The following KDM5D variants were observed in gnomAD, a reference collection of about 807,000 sequenced individuals.
KDM5D encodes lysine demethylase 5D.
KDM5D carries 25 observed loss-of-function variants against 31.9 expected under a neutral mutation model. The observed-to-expected ratio is 0.78, with a 90% confidence interval of 0.57 to 1.09. The LOEUF (loss-of-function observed/expected upper bound fraction) is 1.09, where lower values mean the gene tolerates loss of function less well. KDM5D is among the 50% of genes least tolerant of loss of function. KDM5D has a pLI of 0.00. For synonymous variants in KDM5D, 146 were observed against 122.3 expected (o/e 1.19, Z -1.28); for missense variants, 366 against 341.6 (o/e 1.07, Z -0.56).
chrY:19,735,055 T>C (rs2045497698), intron 8 of KDM5D, among the ~76,000 whole-genome samples: 1 of 33,099 alleles, frequency 3.0e-5, no homozygotes, highest in African/African-American at 1.2e-4. Flanking sequence ...ATAATTTATA[T>C]TGGATCACAT....
chrY:19,732,080 G>T lies in KDM5D; in HGVS notation c.1178C>A (p.Ser393Tyr). 2.5e-6 allele frequency: 1 copy of T among 397,386 alleles called. No individual in the cohort carries two copies. Among genetic ancestry groups the T allele is most frequent in the Non-Finnish European group, 3.5e-6 (1 of 282,467 alleles). The change falls in exon 10 of 27, where the codon TCC becomes TAC. Residue 393 changes from serine to tyrosine, a missense_variant. Physicochemically the swap from Ser to Tyr is moderately radical, Grantham distance 144. Transcript: ENST00000317961. The part of the protein sequence containing the change: ...SLQSFGEMAD[S>Y]FKSDYFNMPV... ...CATGTTGAAGTAGTCGGACTTGAAG[G>T]AATCAGCCATTTCACCAAAACTCTG...
intron 13 of KDM5D, among the ~76,000 whole-genome samples, chrY:19,718,945 C>T (rs2045369371): frequency 3.1e-5 from 1 of 32,601 alleles, no homozygotes; most frequent in Non-Finnish European, 7.6e-5. Context: ...CCGAGGCGGG[C>T]GGATCACGAG....
chrY:19,716,743 G>A, intron 13 of KDM5D, 28 bp from the exon 14 acceptor site: 2 of 393,165 alleles, frequency 5.1e-6, no homozygotes. Context: ...GCAGAAAGAG[G>A]TGTGGGTCAG....
At chrY:19,708,106 A>G in intron 22 of KDM5D, 35 bp from the exon 23 acceptor site, 1 of 380,596 alleles carries the variant, frequency 2.6e-6, no homozygotes, top group Non-Finnish European at 3.7e-6. Flanking sequence ...GGAAATGACC[A>G]GGCTTCCCTC....
chrY:19,708,148 GC>G (rs2045263251), intron 22 of KDM5D, 77 bp from the exon 23 acceptor site: 3 of 367,578 alleles, frequency 8.2e-6, no homozygotes, highest in Non-Finnish European at 1.1e-5. Context: ...CTACCCAGGT[GC>G]CCACTAAAAA....
chrY:19,729,814 A>G (rs768376911), intron 11 of KDM5D, among the ~76,000 whole-genome samples: 45 of 33,862 alleles, frequency 1.3e-3, no homozygotes, highest in East Asian at 0.013. Flanking sequence ...ACGTGGGAAC[A>G]TATCATACCC....
At chrY:19,708,150 C>A in intron 22 of KDM5D, 79 bp from the exon 23 acceptor site, 1 of 370,194 alleles carries the variant, frequency 2.7e-6, no homozygotes, top group Admixed American at 8.6e-5. Flanking sequence ...ACCCAGGTGC[C>A]CACTAAAAAA....
chrY:19,733,115 T>C (rs990189252), intron 8 of KDM5D, among the ~76,000 whole-genome samples: 2 of 33,682 alleles, frequency 5.9e-5, no homozygotes, highest in Non-Finnish European at 1.5e-4. Flanking sequence ...GTTGAAAAGT[T>C]TGATAGACAT....
chrY:19,735,614 T>C lies in KDM5D; in HGVS notation c.787+7A>G. 1 of 397,198 alleles carries C rather than the reference T, an allele frequency of 2.5e-6. No homozygotes were observed. Among genetic ancestry groups the C allele is most frequent in the Non-Finnish European group, 3.5e-6 (1 of 281,878 alleles). On this transcript the variant is annotated splice_region_variant and intron_variant, in intron 7 of 26. Transcript: ENST00000317961. ...TCACACTTCCCCAATCTGTTAAAGT[T>C]CCTCACCTTTCTTATGCACAGTCTT...
chrY:19,719,529 A>AAT (rs2045377820), intron 13 of KDM5D, among the ~76,000 whole-genome samples: 2 of 33,730 alleles, frequency 5.9e-5, no homozygotes, highest in Non-Finnish European at 1.5e-4. Context: ...AAAAGAGAAG[A>AAT]ATATTAATCA....
In KDM5D at chrY:19,705,787, A is replaced by G; in HGVS notation, c.*208T>C. The G allele has an allele frequency of 7.2e-6, 1 of 138,300 alleles. No individual in the cohort carries two copies. The highest frequency in any genetic ancestry group is 1.4e-5 in the Non-Finnish European group (1 of 73,186). 34.5% of individuals were successfully genotyped at this position (138,300 alleles called of 400,897 possible). On this transcript the variant is annotated 3_prime_UTR_variant, in exon 27 of 27. Transcript: ENST00000317961. ...GAAATCACTCCTGTATGCTAGCAGG[A>G]ATGTTGCTGGCAAGACACTTCTGAG...
At chrY:19,740,404 G>A (rs1603546062) in intron 5 of KDM5D, among the ~76,000 whole-genome samples, 1 of 31,657 alleles carries the variant, frequency 3.2e-5, no homozygotes, top group Non-Finnish European at 7.7e-5. Context: ...CCATCTCTAC[G>A]AAAAATACAA....
intron 18 of KDM5D, among the ~76,000 whole-genome samples, chrY:19,712,667 C>T: frequency 2.9e-5 from 1 of 34,464 alleles, no homozygotes; most frequent in Non-Finnish European, 7.3e-5. Flanking sequence ...TGTGTCAGTG[C>T]CCTGAAGACC....
intron 18 of KDM5D, among the ~76,000 whole-genome samples, chrY:19,712,173 AT>A: frequency 3.0e-5 from 1 of 33,086 alleles, no homozygotes; most frequent in African/African-American, 1.2e-4. Context: ...ACACAGCTTT[AT>A]TTTTTTTAAA....
intron 11 of KDM5D, among the ~76,000 whole-genome samples, chrY:19,730,253 CTTTT>C (rs2045463221): frequency 1.2e-4 from 4 of 33,025 alleles, no homozygotes; most frequent in Non-Finnish European, 2.2e-4. Flanking sequence ...AAACACTACA[CTTTT>C]TTTTATTATG....
chrY:19,734,493 C>T, intron 8 of KDM5D, among the ~76,000 whole-genome samples: 3 of 33,739 alleles, frequency 8.9e-5, no homozygotes, highest in Admixed American at 8.1e-4. Context: ...ATGGGTGATA[C>T]ACAGAAATAA....
chrY:19,736,583 A>G (rs1603546031), intron 6 of KDM5D, among the ~76,000 whole-genome samples: 1 of 32,928 alleles, frequency 3.0e-5, no homozygotes, highest in East Asian at 7.9e-4. Context: ...TAACTTTTTA[A>G]TTATACAACA....
chrY:19,735,384 G>T lies in KDM5D; in HGVS notation c.901C>A (p.Gln301Lys). The change falls in exon 8 of 27, where the codon CAA (glutamine) becomes AAA (lysine). Residue 301 changes from glutamine (Q) to lysine (K), a missense_variant. Transcript: ENST00000317961. ...GCACTGCTGTGATTCTTTCGAAGTT[G>T]CATGGTTGTCTTAGTGCAGGGCTCT... ...SLEPCTKTTM[Q>K]LRKNHSSAQF... is the part of the protein sequence containing the mutation. The T allele has an allele frequency of 2.5e-6, 1 of 397,931 alleles. No homozygotes were observed. Among genetic ancestry groups the T allele is most frequent in the East Asian group, 9.2e-5 (1 of 10,848 alleles).
chrY:19,731,417 C>T (rs368977028), intron 11 of KDM5D, among the ~76,000 whole-genome samples: 717 of 33,445 alleles, frequency 0.021, no homozygotes, highest in Middle Eastern at 0.042. Flanking sequence ...TACTTCTTTC[C>T]GCCCTTCCAA....
Sources: gnomAD v4.1 joint callset for allele counts (sites outside exome capture counted in the v4.1 genomes callset) on GRCh38, gnomAD v4.1.1 for gene constraint, MANE v1.5 for transcripts, NCBI Gene and HGNC (gene_info 2026-07-23, HGNC 2026-07-21) for gene names.